Variants in DNM3 observed in about 807,000 individuals in gnomAD.
The protein encoded by DNM3 is dynamin 3.
Under a neutral mutation model 101.6 loss-of-function variants are expected in DNM3, and 47 were observed. The ratio of observed to expected loss-of-function variants is 0.46; its 90% confidence interval spans 0.37 to 0.59. DNM3 has a LOEUF of 0.59. DNM3 is among the 20% of genes least tolerant of loss of function. The probability of loss-of-function intolerance (pLI) is 0.00; values close to 1 mark genes in which losing one functional copy is unlikely to be tolerated. For missense variants in DNM3, 849 were observed against 1,085.7 expected, an observed-to-expected ratio of 0.78 and a Z score of 3.06; for synonymous variants, 385 against 387.9, an observed-to-expected ratio of 0.99 and a Z score of 0.09.
At chr1:172,153,712 T>C (rs1345864253) in intron 14 of DNM3, among the ~76,000 whole-genome samples, 2 of 152,148 alleles carry the variant, frequency 1.3e-5, no homozygotes, top group East Asian at 1.9e-4. Flanking sequence ...TAAGATTTTG[T>C]TTCTTCTCCT....
intron 15 of DNM3, among the ~76,000 whole-genome samples, chr1:172,274,011 G>A (rs75274595): frequency 0.011 from 1,743 of 152,150 alleles, 14 homozygotes; most frequent in Non-Finnish European, 0.017. Flanking sequence ...TCTTACTTGT[G>A]AAGAATCAAT....
At chr1:171,876,898 G>A (rs1410653273) in intron 1 of DNM3, among the ~76,000 whole-genome samples, 1 of 152,202 alleles carries the variant, frequency 6.6e-6, no homozygotes, top group African/African-American at 2.4e-5. Context: ...GGAAGTTAAT[G>A]TTGTTCCAGG....
At chr1:172,359,749 A>T (rs1488963090) in intron 17 of DNM3, among the ~76,000 whole-genome samples, 1 of 152,028 alleles carries the variant, frequency 6.6e-6, no homozygotes, top group Non-Finnish European at 1.5e-5. Context: ...GTTTCTTATG[A>T]CTGGGAAGGA....
rs1294380412 is a variant in DNM3 at position 172,294,218 on chromosome 1, A to G, written c.1770-14510A>G. Reference sequence around the variant, plus strand: ...CAATAAACTTTCATGCTTGGAGAATATATTTCTTTTAAATGTGTCCCTCTT... The same window carrying G: ...CAATAAACTTTCATGCTTGGAGAATGTATTTCTTTTAAATGTGTCCCTCTT... On this transcript the variant is annotated intron_variant, in intron 15 of 20. Coordinates refer to ENST00000627582, the MANE Select transcript of DNM3 (RefSeq NM_015569.5). Among the ~76,000 whole-genome samples, 6 of 152,332 alleles carry G rather than the reference A, an allele frequency of 3.9e-5. No individual in the cohort carries two copies. In the South Asian group the frequency reaches 1.0e-3, roughly 26 times the overall value.
At chr1:172,042,722 G>A (rs1251321428) in intron 8 of DNM3, among the ~76,000 whole-genome samples, 1 of 152,116 alleles carries the variant, frequency 6.6e-6, no homozygotes, top group East Asian at 1.9e-4. Context: ...AAGTATGACA[G>A]GTGAAGAACA....
intron 7 of DNM3, among the ~76,000 whole-genome samples, chr1:172,039,346 C>T (rs2049197264): frequency 6.6e-6 from 1 of 152,130 alleles, no homozygotes; most frequent in Admixed American, 6.6e-5. Context: ...ATTCAAAGTG[C>T]ACACTATAAT....
chr1:172,241,264 T>C (rs1390820089), intron 14 of DNM3, among the ~76,000 whole-genome samples: 3 of 151,540 alleles, frequency 2.0e-5, no homozygotes, highest in East Asian at 1.9e-4. Context: ...TGTGTGTGTG[T>C]GCACGTGTGT....
At chr1:172,384,278 C>T (rs886612696) in intron 18 of DNM3, among the ~76,000 whole-genome samples, 2 of 152,094 alleles carry the variant, frequency 1.3e-5, no homozygotes, top group South Asian at 4.2e-4. Flanking sequence ...TCGCTTGATA[C>T]CTGTACTGTT....
At chr1:172,078,260 T>A (rs1206830102) in intron 11 of DNM3, among the ~76,000 whole-genome samples, 1 of 151,956 alleles carries the variant, frequency 6.6e-6, no homozygotes. Flanking sequence ...ACCCAGCTAA[T>A]TTTTTGTATT....
intron 13 of DNM3, among the ~76,000 whole-genome samples, chr1:172,124,893 C>T (rs2056536368): frequency 6.6e-6 from 1 of 152,186 alleles, no homozygotes; most frequent in Admixed American, 6.5e-5. Flanking sequence ...AGACTCTTTT[C>T]CCTATAGTTA....
intron 14 of DNM3, among the ~76,000 whole-genome samples, chr1:172,149,588 G>C (rs1411530652): frequency 6.6e-6 from 1 of 152,138 alleles, no homozygotes; most frequent in Non-Finnish European, 1.5e-5. Flanking sequence ...TGAATGCTAT[G>C]TGCTATGAGC....
At chr1:172,161,442 A>G (rs896953496) in intron 14 of DNM3, among the ~76,000 whole-genome samples, 2 of 152,052 alleles carry the variant, frequency 1.3e-5, no homozygotes, top group African/African-American at 4.8e-5. Context: ...TAGGGATATG[A>G]GATAAATCAA....
chr1:171,889,642 G>C lies in DNM3; in HGVS notation c.162-32106G>C, dbSNP rs1200537640. On this transcript the variant is annotated intron_variant, in intron 1 of 20. Coordinates refer to ENST00000627582, the MANE Select transcript of DNM3 (RefSeq NM_015569.5). Reference sequence around the variant, plus strand: ...GTCAGAGAGGCTAAAACTGAGAATTGGCCAAAGTTTTTGAAAAGGTTAAGG... The same window carrying C: ...GTCAGAGAGGCTAAAACTGAGAATTCGCCAAAGTTTTTGAAAAGGTTAAGG... Among the ~76,000 whole-genome samples, 2 of 152,096 alleles carry C rather than the reference G, an allele frequency of 1.3e-5. 1 individual carries two copies. The highest frequency in any genetic ancestry group is 4.8e-5 in the African/African-American group (2 of 41,418).
At chr1:171,907,653 C>A (rs867057459) in intron 1 of DNM3, among the ~76,000 whole-genome samples, 41 of 152,246 alleles carry the variant, frequency 2.7e-4, no homozygotes, top group African/African-American at 9.6e-4. Context: ...ACTTCTTCCC[C>A]TTGCTCATTC....
intron 13 of DNM3, among the ~76,000 whole-genome samples, chr1:172,095,893 T>C (rs2054212419): frequency 6.6e-6 from 1 of 152,242 alleles, no homozygotes; most frequent in Admixed American, 6.5e-5. Context: ...AAAGCTGGAC[T>C]GCTCAAAAAT....
At chr1:172,042,698 C>T (rs1479601321) in intron 8 of DNM3, among the ~76,000 whole-genome samples, 7 of 152,092 alleles carry the variant, frequency 4.6e-5, no homozygotes, top group East Asian at 1.9e-4. Context: ...GTAGCAACCT[C>T]GGGTAAGGCA....
chr1:172,125,120 T>A (rs2056550711), intron 13 of DNM3, among the ~76,000 whole-genome samples: 1 of 152,144 alleles, frequency 6.6e-6, no homozygotes, highest in South Asian at 2.1e-4. Flanking sequence ...AAGCAGCTGC[T>A]TATCTACTGA....
At chr1:171,984,639 T>C (rs1423834752) in intron 2 of DNM3, among the ~76,000 whole-genome samples, 1 of 152,194 alleles carries the variant, frequency 6.6e-6, no homozygotes. Context: ...TATTTTATTT[T>C]CTCCATAGCA....
intron 4 of DNM3, among the ~76,000 whole-genome samples, chr1:171,991,607 T>C (rs939860073): frequency 6.6e-6 from 1 of 152,144 alleles, no homozygotes; most frequent in Non-Finnish European, 1.5e-5. Context: ...CCATTTTGGA[T>C]TTTTATGGAA....
Sources: allele counts gnomAD v4.1 joint callset (sites outside exome capture counted in the v4.1 genomes callset), GRCh38; gene constraint gnomAD v4.1.1; transcripts MANE v1.5; gene names NCBI Gene and HGNC (gene_info 2026-07-23, HGNC 2026-07-21).